The following KIAA1217 variants were observed in gnomAD, a reference collection of about 807,000 sequenced individuals.
KIAA1217 encodes the protein KIAA1217.
A neutral mutation model predicts 163.9 loss-of-function variants in KIAA1217; 88 were observed. The observed-to-expected ratio is 0.54, with a 90% confidence interval of 0.45 to 0.64. The LOEUF is 0.64. Among genes scored for constraint, KIAA1217 ranks in the 30% least tolerant of loss-of-function variants. The pLI is 0.00. For synonymous variants in KIAA1217, 903 were observed against 923.1 expected, an observed-to-expected ratio of 0.98 and a Z score of 0.39; for missense variants, 2,372 against 2,475.0, an observed-to-expected ratio of 0.96 and a Z score of 0.88.
intron 2 of KIAA1217, among the ~76,000 whole-genome samples, chr10:24,080,716 A>G (rs2061510099): frequency 6.6e-6 from 1 of 152,224 alleles, no homozygotes; most frequent in Non-Finnish European, 1.5e-5. Flanking sequence ...TAAATAGCAC[A>G]TCAACTTAAT....
intron 2 of KIAA1217, among the ~76,000 whole-genome samples, chr10:24,200,742 A>G (rs982132577): frequency 3.0e-4 from 45 of 152,060 alleles, no homozygotes; most frequent in Non-Finnish European, 1.2e-4. Flanking sequence ...GGAGCATCTG[A>G]GCTCTTCCAG....
At chr10:23,949,857 G>A (rs540182391) in intron 1 of KIAA1217, among the ~76,000 whole-genome samples, 44 of 152,120 alleles carry the variant, frequency 2.9e-4, no homozygotes, top group African/African-American at 3.4e-4. Context: ...AAGTGAATAC[G>A]GTGAACTGGC....
chr10:24,438,378 G>T lies in KIAA1217; in HGVS notation c.753-8G>T. On this transcript the variant is annotated splice_polypyrimidine_tract_variant and splice_region_variant and intron_variant, in intron 4 of 20. Transcript: ENST00000376454. ...ATCTGCCATAGTTATCGATGTTTTT[G>T]ATTCCAGGAACATTCAAGACAGATC... 4 of 1,604,400 alleles carry T rather than the reference G, an allele frequency of 2.5e-6. No individual in the cohort carries two copies. The highest frequency in any genetic ancestry group is 2.6e-6 in the Non-Finnish European group (3 of 1,171,492).
chr10:23,826,074 A>C (rs1196903898), intron 1 of KIAA1217, among the ~76,000 whole-genome samples: 1 of 152,116 alleles, frequency 6.6e-6, no homozygotes, highest in Admixed American at 6.5e-5. Context: ...ATCCAACTTT[A>C]ACCTGAACCC....
intron 1 of KIAA1217, among the ~76,000 whole-genome samples, chr10:23,894,585 A>T (rs1030025495): frequency 6.6e-6 from 1 of 150,376 alleles, no homozygotes; most frequent in Admixed American, 6.7e-5. Flanking sequence ...GGATAGATTC[A>T]ATGCCATCCC....
intron 2 of KIAA1217, among the ~76,000 whole-genome samples, chr10:24,109,465 G>A (rs190634192): frequency 2.6e-5 from 4 of 151,788 alleles, no homozygotes; most frequent in East Asian, 1.9e-4. Context: ...ATCTTTGTAC[G>A]GCTCCTATCT....
intron 1 of KIAA1217, among the ~76,000 whole-genome samples, chr10:23,796,744 A>G (rs1279281647): frequency 6.6e-6 from 1 of 152,068 alleles, no homozygotes; most frequent in African/African-American, 2.4e-5. Context: ...CTCATGGGAG[A>G]ACAAAGCAGC....
At chr10:24,520,642 AAAAAAAAAAATATATATAT>A (rs1445231275) in intron 11 of KIAA1217, among the ~76,000 whole-genome samples, 3 of 91,480 alleles carry the variant, frequency 3.3e-5, no homozygotes, top group Admixed American at 1.3e-4. Flanking sequence ...AAAAAAAAAA[AAAAAAAAAAATATATATAT>A]ATATATATAT....
intron 2 of KIAA1217, among the ~76,000 whole-genome samples, chr10:24,020,042 CA>C (rs1213351027): frequency 3.3e-4 from 50 of 152,202 alleles, no homozygotes; most frequent in Non-Finnish European, 4.9e-4. Flanking sequence ...CCACAAAAGT[CA>C]GTAAATTCTT....
At chr10:24,397,278 C>G (rs953939776) in intron 3 of KIAA1217, among the ~76,000 whole-genome samples, 59 of 152,052 alleles carry the variant, frequency 3.9e-4, no homozygotes, top group Middle Eastern at 3.4e-3. Context: ...TTAATAGAGA[C>G]AGGATTTCAC....
chr10:24,067,755 G>A (rs1233982911), intron 2 of KIAA1217, among the ~76,000 whole-genome samples: 2 of 152,368 alleles, frequency 1.3e-5, no homozygotes, highest in South Asian at 2.1e-4. Context: ...AGCCTACAGA[G>A]GCAGGCAGGC....
chr10:23,813,084 A>T (rs1333765893), intron 1 of KIAA1217, among the ~76,000 whole-genome samples: 1 of 152,146 alleles, frequency 6.6e-6, no homozygotes, highest in Non-Finnish European at 1.5e-5. Flanking sequence ...AAGTCTCTAC[A>T]TTCTCTGTAG....
intron 6 of KIAA1217, chr10:24,481,168 G>A (rs2133300805): frequency 6.6e-6 from 1 of 152,224 alleles, no homozygotes; most frequent in African/African-American, 2.4e-5. Context: ...TGGAGGATTT[G>A]CTGCATACAA....
intron 1 of KIAA1217, among the ~76,000 whole-genome samples, chr10:23,779,730 A>T (rs1364965406): frequency 6.6e-6 from 1 of 152,180 alleles, no homozygotes; most frequent in African/African-American, 2.4e-5. Context: ...ATGTACATTG[A>T]TGTGAATAGT....
chr10:23,919,918 G>A (rs1564533535), intron 1 of KIAA1217, among the ~76,000 whole-genome samples: 1 of 152,088 alleles, frequency 6.6e-6, no homozygotes, highest in Non-Finnish European at 1.5e-5. Context: ...GTACTTGCTT[G>A]AACTTGTTGA....
At chr10:23,824,582 G>A (rs1436981392) in intron 1 of KIAA1217, among the ~76,000 whole-genome samples, 2 of 130,958 alleles carry the variant, frequency 1.5e-5, no homozygotes, top group South Asian at 2.7e-4. Context: ...GAGCTGAGAT[G>A]GCGCCATTGC....
intron 1 of KIAA1217, among the ~76,000 whole-genome samples, chr10:23,931,558 T>C (rs1226354815): frequency 6.6e-6 from 1 of 152,166 alleles, no homozygotes; most frequent in Admixed American, 6.5e-5. Flanking sequence ...ATAATCTTCC[T>C]GCACCCTCCC....
At chr10:23,697,757 A>G (rs1357224506) in intron 1 of KIAA1217, among the ~76,000 whole-genome samples, 2 of 151,794 alleles carry the variant, frequency 1.3e-5, no homozygotes, top group Non-Finnish European at 1.5e-5. Context: ...TGCACCTGTG[A>G]TCCCAGCTAC....
At chr10:24,003,639 A>G (rs1281645664) in intron 1 of KIAA1217, among the ~76,000 whole-genome samples, 1 of 152,178 alleles carries the variant, frequency 6.6e-6, no homozygotes, top group African/African-American at 2.4e-5. Flanking sequence ...AGTGGAAGAA[A>G]GTCTTTTGCA....
Sources: gnomAD v4.1 joint callset for allele counts (sites outside exome capture counted in the v4.1 genomes callset) on GRCh38, gnomAD v4.1.1 for gene constraint, MANE v1.5 for transcripts, NCBI Gene and HGNC (gene_info 2026-07-23, HGNC 2026-07-21) for gene names.